SRSF1: variants seen among roughly 807,000 people sequenced by gnomAD.
The protein encoded by SRSF1 is serine/arginine-rich splicing factor 1.
SRSF1 carries 1 observed loss-of-function variant against 25.9 expected under a neutral mutation model. The observed-to-expected ratio is 0.04, with a 90% CI of 0.01 to 0.18. The LOEUF is 0.18. Among genes scored for constraint, SRSF1 ranks in the 10% least tolerant of loss-of-function variants. The pLI is 1.00. For synonymous variants in SRSF1, 132 were observed against 126.2 expected (o/e 1.05, Z -0.31); for missense variants, 65 against 350.5 (o/e 0.19, Z 6.50).
chr17:57,995,213 G>C, the SRSF1 span, among the ~76,000 whole-genome samples: 1 of 152,242 alleles, frequency 6.6e-6, no homozygotes, highest in African/African-American at 2.4e-5. Flanking sequence ...AATTCCTAGA[G>C]TGGTTCATTT....
chr17:58,006,107 G>A (rs1473637349), intron 2 of SRSF1, 134 bp from the exon 3 acceptor site: 2 of 1,001,472 alleles, frequency 2.0e-6, no homozygotes, highest in African/African-American at 1.6e-5. Context: ...AAAGAGAGCT[G>A]GTAAGATTCT....
At position 58,001,602 on chromosome 17, in the gene SRSF1, T is replaced by C. The variant is rs1251759622; in HGVS notation, c.*3804A>G. Among the ~76,000 whole-genome samples the C allele has an allele frequency of 1.3e-5, 2 of 152,156 alleles. No homozygotes were observed. Among genetic ancestry groups the C allele is most frequent in the African/African-American group, 2.4e-5 (1 of 41,442 alleles). ...AAGTTTTTCCTTGGTTAGAAAATAA[T>C]TATAGGCTCCCTAAAATATTCTAAG... is the stretch of plus-strand genomic sequence containing the variant. On this transcript the variant is annotated 3_prime_UTR_variant, in exon 4 of 4. Coordinates refer to ENST00000258962, the MANE Select transcript of SRSF1 (RefSeq NM_006924.5).
the SRSF1 span, chr17:57,990,058 T>C: frequency 3.5e-6 from 1 of 285,364 alleles, no homozygotes; most frequent in African/African-American, 2.2e-5. Flanking sequence ...CTTCCCTGCA[T>C]AGTCTTCTCC....
At position 58,005,659 on chromosome 17, in the gene SRSF1, T is replaced by C. The variant is rs2075421697; in HGVS notation, c.553-59A>G. 1 of 1,609,906 alleles carries C rather than the reference T, an allele frequency of 6.2e-7. No homozygotes were observed. The highest frequency in any genetic ancestry group is 8.5e-7 in the Non-Finnish European group (1 of 1,177,020). ...CTAAGCTTTCATCTATCTTCAGACA[T>C]GCTGAATGAATACAATGTAACTAAA... On this transcript the variant is annotated intron_variant, in intron 3 of 3. Transcript: ENST00000258962. The surrounding 1 kb of genome is among the most constrained non-coding windows in gnomAD (Gnocchi z 5.2).
chr17:58,006,308 C>T, intron 2 of SRSF1, 35 bp downstream of exon 2: 2 of 1,556,514 alleles, frequency 1.3e-6, no homozygotes, highest in Non-Finnish European at 1.7e-6. Flanking sequence ...TAGTTTTCGT[C>T]CCTTCACATC....
chr17:57,995,920 C>G (rs965317545), downstream of SRSF1, among the ~76,000 whole-genome samples: 3 of 151,932 alleles, frequency 2.0e-5, no homozygotes, highest in African/African-American at 7.3e-5. Flanking sequence ...AGGTGGGAGG[C>G]CTGCTTAAGC....
chr17:57,999,020 C>CA (rs1319422944), downstream of SRSF1, among the ~76,000 whole-genome samples: 4 of 152,118 alleles, frequency 2.6e-5, no homozygotes, highest in African/African-American at 9.7e-5. Context: ...ATGGGAATGA[C>CA]AGATACTAAA....
At chr17:57,990,324 T>C in the SRSF1 span, 2 of 152,204 alleles carry the variant, frequency 1.3e-5, no homozygotes, top group African/African-American at 4.8e-5. Flanking sequence ...ATCACTTTTC[T>C]TGAGGAAAAT....
At chr17:57,997,781 C>T (rs182671560), downstream of SRSF1, among the ~76,000 whole-genome samples, 20 of 152,250 alleles carry the variant, frequency 1.3e-4, no homozygotes, top group Non-Finnish European at 2.2e-4. Context: ...ATCATAGATG[C>T]GGTGGCACCC....
chr17:58,004,780 A>T lies in SRSF1; in HGVS notation c.*626T>A, dbSNP rs1195627544. ...CCACAATTGCCAAGGTTTAAAAAGC[A>T]AAGCAATTGTAGCTAAAGACAACTG... On this transcript the variant is annotated 3_prime_UTR_variant, in exon 4 of 4. Coordinates refer to ENST00000258962, the MANE Select transcript of SRSF1 (RefSeq NM_006924.5). 1 of 393,478 alleles carries T rather than the reference A, an allele frequency of 2.5e-6. No homozygotes were observed. The highest frequency in any genetic ancestry group is 2.1e-5 in the African/African-American group (1 of 48,552). 24.4% of individuals were successfully genotyped at this position (393,478 alleles called of 1,614,324 possible). A position where few individuals can be genotyped will look rare whatever the true frequency, so the allele number is the denominator to read the frequency against.
Position 58,005,387 on chromosome 17 carries a change from A to C in SRSF1, c.*19T>G. 1 of 1,612,056 alleles carries C rather than the reference A, an allele frequency of 6.2e-7. No individual in the cohort carries two copies. Among genetic ancestry groups the C allele is most frequent in the Non-Finnish European group, 8.5e-7 (1 of 1,178,144 alleles). On this transcript the variant is annotated 3_prime_UTR_variant, in exon 4 of 4. Transcript: ENST00000258962. The surrounding 1 kb of genome is among the most constrained non-coding windows in gnomAD (Gnocchi z 5.2). ...AACTGTATACAACATGGGTTCTACAAAAAGTGTCACCAATCATCTTATGTA... is the reference window on the plus strand; with the variant it reads ...AACTGTATACAACATGGGTTCTACACAAAGTGTCACCAATCATCTTATGTA...
intron 1 of SRSF1, 173 bp from the exon 2 acceptor site, chr17:58,006,700 A>C: frequency 1.1e-6 from 1 of 902,758 alleles, no homozygotes; most frequent in Non-Finnish European, 1.6e-6. Flanking sequence ...CCCAACCACT[A>C]CACCAGCCCT....
chr17:58,006,930 C>T lies in SRSF1; in HGVS notation c.194+14G>A, dbSNP rs1280817982. 1 of 1,613,816 alleles carries T rather than the reference C, an allele frequency of 6.2e-7. No homozygotes were observed. The highest frequency in any genetic ancestry group is 1.7e-5 in the Admixed American group (1 of 60,024). On this transcript the variant is annotated intron_variant, in intron 1 of 3. Transcript: ENST00000258962. The stretch of plus-strand genomic sequence containing the variant: ...ACCTATTTCCTCAAGGCTGCAAGCC[C>T]CATGCCGCCTCACCGCGGGTCCTCG...
At chr17:57,997,177 G>A (rs2143444541), downstream of SRSF1, among the ~76,000 whole-genome samples, 1 of 152,216 alleles carries the variant, frequency 6.6e-6, no homozygotes, top group East Asian at 1.9e-4. Flanking sequence ...CACTTACTTT[G>A]GTCTTACAAT....
rs936291979 is a variant in SRSF1, at chr17:58,003,354, A to G, written c.*2052T>C. On this transcript the variant is annotated 3_prime_UTR_variant, in exon 4 of 4. Coordinates refer to ENST00000258962, the MANE Select transcript of SRSF1 (RefSeq NM_006924.5). ...TTAACAATAAAAGATGGCTAATACCATTAGATTGCCTTTTAAGAACTTTTA... is the reference window on the plus strand; with the variant it reads ...TTAACAATAAAAGATGGCTAATACCGTTAGATTGCCTTTTAAGAACTTTTA... 6.6e-6 allele frequency: 1 copy of G among 152,210 alleles called. No homozygotes were observed. Among genetic ancestry groups the G allele is most frequent in the Non-Finnish European group, 1.5e-5 (1 of 68,042 alleles). 9.4% of individuals were successfully genotyped at this position (152,210 alleles called of 1,614,324 possible).
rs1428718229 is a variant in SRSF1 at position 58,001,733 on chromosome 17, G to T, written c.*3673C>A. On this transcript the variant is annotated 3_prime_UTR_variant, in exon 4 of 4. Transcript: ENST00000258962. ...TGCCAATACGGATAGAGACCTAAAG[G>T]TCCATTTTCTGAGACTATAAATAGG... Among the ~76,000 whole-genome samples the T allele has an allele frequency of 6.6e-6, 1 of 152,108 alleles. No homozygotes were observed. The highest frequency in any genetic ancestry group is 1.5e-5 in the Non-Finnish European group (1 of 68,004).
rs896574387 is a variant in SRSF1, at chr17:58,004,221, T to A, written c.*1185A>T. 6.6e-6 allele frequency: 1 copy of A among 152,638 alleles called. No homozygotes were observed. The highest frequency in any genetic ancestry group is 1.5e-5 in the Non-Finnish European group (1 of 68,026). The allele number at this position is 152,638 out of a possible 1,614,324, so 9.5% of individuals were successfully genotyped here. A position where few individuals can be genotyped will look rare whatever the true frequency, so the allele number is the denominator to read the frequency against. ...TGGAAGAAGCATTTTGTATTTACAG[T>A]TCAACTGATAATGCCAACACTTGTT... On this transcript the variant is annotated 3_prime_UTR_variant, in exon 4 of 4. Transcript: ENST00000258962.
chr17:57,992,553 TCTC>T, the SRSF1 span: 1 of 152,140 alleles, frequency 6.6e-6, no homozygotes, highest in Non-Finnish European at 1.5e-5. Context: ...GTGAATGTCT[TCTC>T]CTCGGCTACA....
rs1195986933 is a variant in SRSF1 at position 58,006,648 on chromosome 17, T to C, written c.195-121A>G. The C allele has an allele frequency of 8.3e-6, 10 of 1,201,898 alleles. No homozygotes were observed. The African/African-American group carries it at 9.2e-5, about 11-fold the overall frequency. The allele number at this position is 1,201,898 out of a possible 1,614,324, so 74.5% of individuals were successfully genotyped here. A position where few individuals can be genotyped will look rare whatever the true frequency, so the allele number is the denominator to read the frequency against. On this transcript the variant is annotated intron_variant, in intron 1 of 3. Coordinates refer to ENST00000258962, the MANE Select transcript of SRSF1 (RefSeq NM_006924.5). The stretch of plus-strand genomic sequence containing the variant: ...CGTGGAAGAGCCCACATGCGCCGCA[T>C]AATAGGAATGGCCCCTCCCCCACCC...
Sources: allele counts gnomAD v4.1 joint callset (sites outside exome capture counted in the v4.1 genomes callset), GRCh38; gene constraint gnomAD v4.1.1; non-coding constraint Gnocchi (gnomAD v3.1); transcripts MANE v1.5; gene names NCBI Gene and HGNC (gene_info 2026-07-23, HGNC 2026-07-21).